SYT3: variants seen among roughly 807,000 people sequenced by gnomAD.
SYT3 encodes synaptotagmin-3.
In SYT3, 25 loss-of-function variants were observed where a neutral mutation model predicts 50.6. That is an observed-to-expected ratio of 0.49 (90% CI 0.36 to 0.69). The LOEUF is 0.69. Among genes scored for constraint, SYT3 ranks in the 30% least tolerant of loss-of-function variants. The probability of loss-of-function intolerance (pLI) is 0.00; values close to 1 mark genes in which losing one functional copy is unlikely to be tolerated. For missense variants in SYT3, 589 were observed against 793.6 expected (o/e 0.74, Z 3.10); for synonymous variants, 323 against 353.9 (o/e 0.91, Z 0.98).
At chr19:50,656,979 A>AGAAGGAAG in the SYT3 span, among the ~76,000 whole-genome samples, 3 of 144,204 alleles carry the variant, frequency 2.1e-5, no homozygotes, top group Non-Finnish European at 4.5e-5. Context: ...AAAGAAAGAA[A>AGAAGGAAG]GAAGGAAGGA....
Position 50,632,169 on chromosome 19 carries a change from G to T in SYT3, c.674+117C>A. 7 of 1,157,438 alleles carry T rather than the reference G, an allele frequency of 6.0e-6. No individual in the cohort carries two copies. Among genetic ancestry groups the T allele is most frequent in the Non-Finnish European group, 8.4e-6 (7 of 831,002 alleles). 71.7% of individuals were successfully genotyped at this position (1,157,438 alleles called of 1,614,324 possible). On this transcript the variant is annotated intron_variant, in intron 4 of 10. Coordinates refer to ENST00000600079, the MANE Select transcript of SYT3 (RefSeq NM_001160329.2). This position sits in a 1 kb window ranked among gnomAD's most constrained non-coding sequence, Gnocchi z 4.7. ...AGCCTCCTCTTTCCCTAAGATCCAG[G>T]AGTCAATACCCCGATTCCCCTCCAA...
chr19:50,647,544 G>C, the SYT3 span, among the ~76,000 whole-genome samples: 10 of 152,126 alleles, frequency 6.6e-5, no homozygotes, highest in African/African-American at 2.4e-4. Context: ...GCTGGGCGTA[G>C]TGGTGTGGGC....
rs563987402 is a variant in SYT3 at position 50,635,535 on chromosome 19, C to G, written c.148+1729G>C. Among the ~76,000 whole-genome samples, 53 of 152,152 alleles carry G rather than the reference C, an allele frequency of 3.5e-4. 1 individual carries two copies. The highest frequency in any genetic ancestry group is 6.9e-4 in the Non-Finnish European group (47 of 68,028). On this transcript the variant is annotated intron_variant, in intron 3 of 10. Coordinates refer to ENST00000600079, the MANE Select transcript of SYT3 (RefSeq NM_001160329.2). ...AAAGGTTTGGCCCTTGATCAGCTCC[C>G]GGGAGGGAACCTCTAAGCCCATGGA... is the stretch of plus-strand genomic sequence containing the variant.
chr19:50,632,823 G>A lies in SYT3; in HGVS notation c.149-12C>T, dbSNP rs116515936. 1.4e-3 allele frequency: 2,047 copies of A among 1,493,708 alleles called. 26 individuals carry two copies. The African/African-American group carries it at 0.025, about 19-fold the overall frequency. The allele number at this position is 1,493,708 out of a possible 1,614,324, so 92.5% of individuals were successfully genotyped here. A position where few individuals can be genotyped will look rare whatever the true frequency, so the allele number is the denominator to read the frequency against. On this transcript the variant is annotated splice_polypyrimidine_tract_variant and intron_variant, in intron 3 of 10. Transcript: ENST00000600079. The surrounding 1 kb of genome is among the most constrained non-coding windows in gnomAD (Gnocchi z 4.7). ...GCTCACGGAGATGTCTGGAGAGAAC[G>A]AGGACAGAGGTAGGGGTCAGGATGG...
the SYT3 span, among the ~76,000 whole-genome samples, chr19:50,645,385 A>C: frequency 6.6e-6 from 1 of 152,156 alleles, no homozygotes; most frequent in Non-Finnish European, 1.5e-5. Flanking sequence ...AGGCAAAGTC[A>C]TGGAGGCAGA....
At chr19:50,642,600 G>A (rs1270210137), upstream of SYT3, among the ~76,000 whole-genome samples, 3 of 151,844 alleles carry the variant, frequency 2.0e-5, no homozygotes, top group Middle Eastern at 3.2e-3. Flanking sequence ...TTGGGAGGCC[G>A]AGGCTGGCAG....
At chr19:50,638,620 C>G (rs1265466720) in intron 2 of SYT3, among the ~76,000 whole-genome samples, 1 of 151,912 alleles carries the variant, frequency 6.6e-6, no homozygotes, top group Admixed American at 6.6e-5. Context: ...TTCACGGGGG[C>G]TTGAGAGACG....
chr19:50,629,049 C>T (rs1487596032), intron 6 of SYT3, among the ~76,000 whole-genome samples: 2 of 152,068 alleles, frequency 1.3e-5, no homozygotes, highest in Non-Finnish European at 2.9e-5. Context: ...GTCTCGAACT[C>T]CCAACCTCAA....
rs1304048675 is a variant in SYT3, at chr19:50,632,101, C to T, written c.674+185G>A. ...TTCTTCTGGTCCAAGGGGTCTAGAC[C>T]CCACAGCCCCAACCTCCCTCAGATC... On this transcript the variant is annotated intron_variant, in intron 4 of 10. Transcript: ENST00000600079. The surrounding 1 kb of genome is among the most constrained non-coding windows in gnomAD (Gnocchi z 4.7). Among the ~76,000 whole-genome samples, 2 of 152,064 alleles carry T rather than the reference C, an allele frequency of 1.3e-5. No individual in the cohort carries two copies. The highest frequency in any genetic ancestry group is 4.8e-5 in the African/African-American group (2 of 41,382).
chr19:50,652,971 CAT>C, the SYT3 span, among the ~76,000 whole-genome samples: 4 of 152,256 alleles, frequency 2.6e-5, no homozygotes, highest in East Asian at 7.7e-4. Flanking sequence ...TCTGTTTCAT[CAT>C]GTGTTAAACA....
the SYT3 span, among the ~76,000 whole-genome samples, chr19:50,654,619 C>T: frequency 2.0e-5 from 3 of 150,386 alleles, no homozygotes; most frequent in African/African-American, 7.3e-5. Flanking sequence ...CCCTCCCTTC[C>T]TTCCTTCCTT....
the SYT3 span, among the ~76,000 whole-genome samples, chr19:50,652,574 A>G: frequency 0.23 from 34,276 of 152,084 alleles, 4,911 homozygotes; most frequent in African/African-American, 0.42. Flanking sequence ...CAGAGAGTCC[A>G]AGTCGCAGAA....
At chr19:50,630,247 T>C (rs905886827) in intron 4 of SYT3, 76 bp from the exon 5 acceptor site, 5 of 1,381,684 alleles carry the variant, frequency 3.6e-6, no homozygotes, top group Admixed American at 3.0e-5. Flanking sequence ...CCTGGGAGAC[T>C]CCTCCCTGCC....
the SYT3 span, among the ~76,000 whole-genome samples, chr19:50,648,850 C>A: frequency 6.6e-6 from 1 of 152,014 alleles, no homozygotes; most frequent in Non-Finnish European, 1.5e-5. Flanking sequence ...AAGGGGATGA[C>A]AGAGGGGAGG....
At chr19:50,634,467 A>G (rs1316044030) in intron 3 of SYT3, among the ~76,000 whole-genome samples, 1 of 152,080 alleles carries the variant, frequency 6.6e-6, no homozygotes, top group Non-Finnish European at 1.5e-5. Flanking sequence ...CCCATTTTAC[A>G]GATGAGAAAA....
In SYT3 at chr19:50,637,441, G is replaced by A. The variant is rs1568417527; in HGVS notation, c.-15-15C>T. 6.3e-7 allele frequency: 1 copy of A among 1,577,754 alleles called. No individual in the cohort carries two copies. Among genetic ancestry groups the A allele is most frequent in the East Asian group, 2.3e-5 (1 of 44,108 alleles). ...GCCGTCTGGTCCTGTGTGTGGGAGG[G>A]ATGGGGCAAGGGTGCAGATGGGAAA... On this transcript the variant is annotated splice_polypyrimidine_tract_variant and intron_variant, in intron 2 of 10. Coordinates refer to ENST00000600079, the MANE Select transcript of SYT3 (RefSeq NM_001160329.2). The surrounding 1 kb of genome is among the most constrained non-coding windows in gnomAD (Gnocchi z 4.9).
chr19:50,639,880 C>T lies in SYT3; in HGVS notation c.-244G>A, dbSNP rs1309444140. 1 of 153,706 alleles carries T rather than the reference C, an allele frequency of 6.5e-6. No individual in the cohort carries two copies. The highest frequency in any genetic ancestry group is 1.4e-5 in the Non-Finnish European group (1 of 68,970). 9.5% of individuals were successfully genotyped at this position (153,706 alleles called of 1,614,324 possible). A position where few individuals can be genotyped will look rare whatever the true frequency, so the allele number is the denominator to read the frequency against. Reference sequence around the variant, plus strand: ...GCCGGCTCGGCTCCTCCCCTCGCCACTGTCGCAGGTCCGCGGCTCCTCCCC... The same window carrying T: ...GCCGGCTCGGCTCCTCCCCTCGCCATTGTCGCAGGTCCGCGGCTCCTCCCC... On this transcript the variant is annotated 5_prime_UTR_variant, in exon 1 of 11. The change creates a new upstream start codon in the 5' untranslated region. Transcript: ENST00000600079. The surrounding 1 kb of genome is among the most constrained non-coding windows in gnomAD (Gnocchi z 4.6).
rs772468572 is a variant in SYT3 at position 50,629,415 on chromosome 19, T to C, written c.1160A>G (p.Tyr387Cys). Reference protein sequence around the residue: ...LAQRKLHFSVYDFDRFSRHDL... With the variant: ...LAQRKLHFSVCDFDRFSRHDL... ...GTGCCGCGAGAAGCGGTCAAAGTCA[T>C]AGACGCTGAAGTGCAGTTTGCGTTG... Residue 387 changes from tyrosine (Y) to cysteine (C), a missense_variant, in exon 6 of 11, where the codon TAT (tyrosine) becomes TGT (cysteine). This residue lies in a region of SYT3 where 273 missense variants were observed against 439.3 expected (regional missense o/e 0.62). Coordinates refer to ENST00000600079, the MANE Select transcript of SYT3 (RefSeq NM_001160329.2). 1.9e-6 allele frequency: 3 copies of C among 1,613,980 alleles called. No homozygotes were observed. The highest frequency in any genetic ancestry group is 2.2e-5 in the East Asian group (1 of 44,862).
In SYT3 at chr19:50,630,450, T is replaced by A. The variant is rs62112492; in HGVS notation, c.675-279A>T. Among the ~76,000 whole-genome samples the A allele has an allele frequency of 4.3e-3, 641 of 149,906 alleles. 5 individuals carry two copies. The highest frequency in any genetic ancestry group is 0.017 in the Middle Eastern group (5 of 292). On this transcript the variant is annotated intron_variant, in intron 4 of 10. Coordinates refer to ENST00000600079, the MANE Select transcript of SYT3 (RefSeq NM_001160329.2). ...CTTTCCTTTTCTTTTGAGACGAAGT[T>A]TTGCTCTTGTCACCCAGGCTGGAGT...
Sources: gnomAD v4.1 joint callset for allele counts (sites outside exome capture counted in the v4.1 genomes callset) on GRCh38, gnomAD v4.1.1 for gene constraint, gnomAD v4.1.1 regional missense constraint, Gnocchi (gnomAD v3.1) non-coding constraint, MANE v1.5 for transcripts, NCBI Gene and HGNC (gene_info 2026-07-23, HGNC 2026-07-21) for gene names.